Variants in SLC16A10 observed in about 807,000 individuals in gnomAD.
SLC16A10 encodes the protein monocarboxylate transporter 10.
A neutral mutation model predicts 40.0 loss-of-function variants in SLC16A10; 27 were observed. The ratio of observed to expected loss-of-function variants is 0.67; its 90% CI spans 0.50 to 0.93. The LOEUF (loss-of-function observed/expected upper bound fraction) is 0.93. Among genes scored for constraint, SLC16A10 ranks in the 40% least tolerant of loss-of-function variants. SLC16A10 has a pLI of 0.00. For synonymous variants in SLC16A10, 213 were observed against 249.8 expected (o/e 0.85, Z 1.39); for missense variants, 529 against 658.2 (o/e 0.80, Z 2.15).
chr6:111,131,047 T>C (rs1284441906), intron 1 of SLC16A10, among the ~76,000 whole-genome samples: 1 of 152,222 alleles, frequency 6.6e-6, no homozygotes, highest in East Asian at 1.9e-4. Flanking sequence ...CCTCCCTTTG[T>C]ATGGGAGCTC....
intron 3 of SLC16A10, among the ~76,000 whole-genome samples, chr6:111,197,206 GAGAT>G (rs1583357154): frequency 6.6e-6 from 1 of 152,318 alleles, no homozygotes; most frequent in East Asian, 1.9e-4. Context: ...CTGAGGGAAA[GAGAT>G]AGATAGGAGA....
At chr6:111,116,890 C>T (rs1180905691) in intron 1 of SLC16A10, among the ~76,000 whole-genome samples, 1 of 152,084 alleles carries the variant, frequency 6.6e-6, no homozygotes, top group Non-Finnish European at 1.5e-5. Context: ...ATGGGGGATA[C>T]TAGAAAACTA....
At chr6:111,192,768 G>T (rs1332491035) in intron 3 of SLC16A10, among the ~76,000 whole-genome samples, 1 of 152,150 alleles carries the variant, frequency 6.6e-6, no homozygotes, top group Non-Finnish European at 1.5e-5. Context: ...GCAAGAGTGT[G>T]CATGCAGAGG....
chr6:111,089,371 C>T (rs1184639796), intron 1 of SLC16A10, among the ~76,000 whole-genome samples: 1 of 152,144 alleles, frequency 6.6e-6, no homozygotes, highest in African/African-American at 2.4e-5. Flanking sequence ...TCCATTTTAA[C>T]TTAGGTGGTT....
intron 1 of SLC16A10, among the ~76,000 whole-genome samples, chr6:111,117,374 A>T (rs1425056201): frequency 2.0e-5 from 3 of 151,122 alleles, no homozygotes; most frequent in Non-Finnish European, 4.4e-5. Flanking sequence ...AAAAAAAAAA[A>T]AAGTGGGAGG....
At position 111,206,729 on chromosome 6, in the gene SLC16A10, T is replaced by C; in HGVS notation, c.1080T>C (p.Tyr360=). ...ATGTGCCTGGTGTGAAGAAGGTTTA[T>C]CTACAGGTACTTTTTTACACCTTTT... ...ADYVPGVKKV[Y]LQVLSFFFIG... The change falls in exon 4 of 6, where the codon TAT becomes TAC. Residue 360 remains tyrosine (Y), a synonymous_variant. Transcript: ENST00000368851. 6.2e-7 allele frequency: 1 copy of C among 1,613,024 alleles called. No homozygotes were observed. The highest frequency in any genetic ancestry group is 1.1e-5 in the South Asian group (1 of 90,568).
intron 1 of SLC16A10, among the ~76,000 whole-genome samples, chr6:111,089,339 T>G (rs1583296153): frequency 6.6e-6 from 1 of 152,234 alleles, no homozygotes; most frequent in Non-Finnish European, 1.5e-5. Flanking sequence ...TACCTCAGTG[T>G]GAACTGATAA....
chr6:111,222,311 C>T lies in SLC16A10; in HGVS notation c.*76C>T, dbSNP rs1770916404. 3.3e-6 allele frequency: 5 copies of T among 1,495,974 alleles called. No individual in the cohort carries two copies. Among genetic ancestry groups the T allele is most frequent in the Non-Finnish European group, 2.6e-6 (3 of 1,134,368 alleles). 92.7% of individuals were successfully genotyped at this position (1,495,974 alleles called of 1,614,324 possible). A position where few individuals can be genotyped will look rare whatever the true frequency, so the allele number is the denominator to read the frequency against. Reference sequence around the variant, plus strand: ...GTTTCCTTTCCTTTTATACAAATTGCAAATTTCATATTTTTTTAATCACAT... The same window carrying T: ...GTTTCCTTTCCTTTTATACAAATTGTAAATTTCATATTTTTTTAATCACAT... On this transcript the variant is annotated 3_prime_UTR_variant, in exon 6 of 6. Transcript: ENST00000368851.
chr6:111,157,888 A>G (rs1215794705), intron 1 of SLC16A10, among the ~76,000 whole-genome samples: 2 of 151,490 alleles, frequency 1.3e-5, no homozygotes, highest in Non-Finnish European at 2.9e-5. Context: ...GATCCTTCTT[A>G]CAATGCTATA....
chr6:111,184,625 G>A (rs1019439649), intron 3 of SLC16A10, among the ~76,000 whole-genome samples: 11 of 151,962 alleles, frequency 7.2e-5, no homozygotes, highest in African/African-American at 2.4e-4. Context: ...GGGATTACAG[G>A]TACCTGCCAC....
chr6:111,128,941 TA>T (rs1361605832), intron 1 of SLC16A10, among the ~76,000 whole-genome samples: 1 of 127,744 alleles, frequency 7.8e-6, no homozygotes, highest in South Asian at 2.3e-4. Flanking sequence ...TATTCAAAAA[TA>T]AAACAATTTT....
In SLC16A10 at chr6:111,228,742, G is replaced by T. The variant is rs146113269; in HGVS notation, c.*6507G>T. The T allele has an allele frequency of 6.6e-6, 1 of 152,114 alleles. No individual in the cohort carries two copies. The highest frequency in any genetic ancestry group is 1.9e-4 in the East Asian group (1 of 5,178). 9.4% of individuals were successfully genotyped at this position (152,114 alleles called of 1,614,324 possible). A position where few individuals can be genotyped will look rare whatever the true frequency, so the allele number is the denominator to read the frequency against. On this transcript the variant is annotated 3_prime_UTR_variant, in exon 6 of 6. Transcript: ENST00000368851. ...AGGAATGGAGGGTTTGTTATTAATA[G>T]TGCTGGGCCGGGCACGGTGACTCAT... is the stretch of plus-strand genomic sequence containing the variant.
chr6:111,105,039 G>C (rs1771258930), intron 1 of SLC16A10, among the ~76,000 whole-genome samples: 1 of 151,970 alleles, frequency 6.6e-6, no homozygotes, highest in Admixed American at 6.6e-5. Context: ...TTCGTCTTAA[G>C]ACTTAGTCAT....
intron 1 of SLC16A10, among the ~76,000 whole-genome samples, chr6:111,132,726 A>C (rs1463211076): frequency 6.6e-6 from 1 of 152,248 alleles, no homozygotes; most frequent in East Asian, 1.9e-4. Context: ...AGGGGATTTA[A>C]ATCTTAATTA....
intron 1 of SLC16A10, among the ~76,000 whole-genome samples, chr6:111,102,592 C>T (rs1224956568): frequency 6.6e-6 from 1 of 152,166 alleles, no homozygotes; most frequent in African/African-American, 2.4e-5. Flanking sequence ...CTTAGATTCT[C>T]ACCTGACACA....
intron 1 of SLC16A10, among the ~76,000 whole-genome samples, chr6:111,165,157 A>G (rs1772449049): frequency 6.6e-6 from 1 of 152,376 alleles, no homozygotes; most frequent in East Asian, 1.9e-4. Context: ...CTAGGAAAGC[A>G]TGCAGTTTCT....
chr6:111,201,569 A>G (rs1005280437), intron 3 of SLC16A10, among the ~76,000 whole-genome samples: 1 of 152,182 alleles, frequency 6.6e-6, no homozygotes, highest in African/African-American at 2.4e-5. Context: ...ACTTGTGTGC[A>G]CCAGTATTTT....
At chr6:111,143,953 A>G (rs931900331) in intron 1 of SLC16A10, among the ~76,000 whole-genome samples, 1 of 152,094 alleles carries the variant, frequency 6.6e-6, no homozygotes, top group Non-Finnish European at 1.5e-5. Context: ...GTGAGGCCCT[A>G]TCTCTACAAA....
Position 111,177,180 on chromosome 6 carries a change from A to G in SLC16A10, c.489-32A>G, listed in dbSNP as rs17072392. 9.6e-5 allele frequency: 133 copies of G among 1,384,892 alleles called. No individual in the cohort carries two copies. In the East Asian group the frequency reaches 2.7e-3, roughly 28 times the overall value. 85.8% of individuals were successfully genotyped at this position (1,384,892 alleles called of 1,614,324 possible). A position where few individuals can be genotyped will look rare whatever the true frequency, so the allele number is the denominator to read the frequency against. ...CCAAGCACACAGTAACAATATTGAA[A>G]GCTGCTTTCCATCTTTTTCATCTTT... On this transcript the variant is annotated intron_variant, in intron 2 of 5. Coordinates refer to ENST00000368851, the MANE Select transcript of SLC16A10 (RefSeq NM_018593.5).
Sources: allele counts gnomAD v4.1 joint callset (sites outside exome capture counted in the v4.1 genomes callset), GRCh38; gene constraint gnomAD v4.1.1; transcripts MANE v1.5; gene names NCBI Gene and HGNC (gene_info 2026-07-23, HGNC 2026-07-21).